DST: variants seen among roughly 807,000 people sequenced by gnomAD.
The protein encoded by DST is dystonin.
In DST, 253 loss-of-function variants were observed where a neutral mutation model predicts 875.2. That is an observed-to-expected ratio of 0.29 (90% confidence interval 0.26 to 0.32). The LOEUF (loss-of-function observed/expected upper bound fraction) is 0.32. Ranked by LOEUF, DST falls within the 10% of genes least tolerant of loss-of-function variation. DST has a pLI of 1.00. For synonymous variants in DST, 3,124 were observed against 3,197.1 expected, an observed-to-expected ratio of 0.98 and a Z score of 0.77; for missense variants, 8,287 against 9,111.6, an observed-to-expected ratio of 0.91 and a Z score of 3.68.
chr6:56,555,947 GT>G, intron 59 of DST, 107 bp from the exon 60 acceptor site: 1 of 1,193,282 alleles, frequency 8.4e-7, no homozygotes, highest in Non-Finnish European at 1.1e-6. Context: ...TCCAGTTTTT[GT>G]TTTTTAGTTA....
intron 4 of DST, among the ~76,000 whole-genome samples, chr6:56,827,440 G>A (rs1262692119): frequency 1.3e-5 from 2 of 149,832 alleles, no homozygotes; most frequent in East Asian, 3.9e-4. Flanking sequence ...CCAGAAGGCG[G>A]AGGTTGCAGT....
In DST at chr6:56,900,438, C is replaced by T. The variant is rs1793547600; in HGVS notation, c.400G>A (p.Ala134Thr). The T allele has an allele frequency of 8.8e-6, 12 of 1,367,320 alleles. No individual in the cohort carries two copies. Among genetic ancestry groups the T allele is most frequent in the Non-Finnish European group, 1.2e-5 (12 of 1,021,788 alleles). The allele number at this position is 1,367,320 out of a possible 1,614,324, so 84.7% of individuals were successfully genotyped here. A position where few individuals can be genotyped will look rare whatever the true frequency, so the allele number is the denominator to read the frequency against. ...CTACTTACAGGCCTCCTGATTGAAGCACCTTGAACAGAGTGATAAAATTCT... is the reference window on the plus strand; with the variant it reads ...CTACTTACAGGCCTCCTGATTGAAGTACCTTGAACAGAGTGATAAAATTCT... The part of the protein sequence containing the change: ...QPEFYHSVQG[A>T]SIRRPSSGNA... The change falls in exon 3 of 104, where the codon GCT becomes ACT. Residue 134 changes from alanine (A) to threonine (T), a missense_variant. This residue lies in a region of DST where 1,160 missense variants were observed against 1,424.3 expected (regional missense o/e 0.81). Transcript: ENST00000680361.
chr6:56,480,271 T>A (rs543876906), intron 90 of DST, among the ~76,000 whole-genome samples: 1 of 152,146 alleles, frequency 6.6e-6, no homozygotes, highest in South Asian at 2.1e-4. Context: ...ATGAAAAAAA[T>A]TTAAAACTCC....
intron 4 of DST, among the ~76,000 whole-genome samples, chr6:56,824,809 G>A (rs1562034587): frequency 6.6e-6 from 1 of 151,744 alleles, no homozygotes; most frequent in African/African-American, 2.4e-5. Flanking sequence ...CCTCCGTCCG[G>A]CAGCCGCCCC....
At chr6:56,678,763 A>T (rs2099142712) in intron 9 of DST, among the ~76,000 whole-genome samples, 1 of 152,202 alleles carries the variant, frequency 6.6e-6, no homozygotes, top group Non-Finnish European at 1.5e-5. Flanking sequence ...ATTAACCAAT[A>T]AAGATAACTT....
At chr6:56,684,416 AT>A (rs1337131492) in intron 9 of DST, among the ~76,000 whole-genome samples, 9 of 152,256 alleles carry the variant, frequency 5.9e-5, no homozygotes, top group Non-Finnish European at 4.4e-5. Flanking sequence ...AAACAGAGAT[AT>A]TTAACTTAAA....
At chr6:56,794,860 C>T (rs1018145561) in intron 4 of DST, among the ~76,000 whole-genome samples, 4 of 152,152 alleles carry the variant, frequency 2.6e-5, no homozygotes, top group Non-Finnish European at 4.4e-5. Flanking sequence ...AGGAATATGA[C>T]CAGCCCAAGA....
intron 83 of DST, among the ~76,000 whole-genome samples, chr6:56,493,709 GAATT>G (rs536557917): frequency 7.6e-4 from 116 of 151,942 alleles, no homozygotes; most frequent in Middle Eastern, 3.4e-3. Context: ...GATTAAAATA[GAATT>G]AATTATTTAA....
At chr6:56,519,174 T>C (rs188493043) in intron 69 of DST, among the ~76,000 whole-genome samples, 5 of 152,220 alleles carry the variant, frequency 3.3e-5, no homozygotes, top group African/African-American at 1.2e-4. Context: ...CTGGAAAAAC[T>C]AGCAACCACA....
intron 10 of DST, among the ~76,000 whole-genome samples, chr6:56,658,970 G>C (rs111815900): frequency 0.011 from 1,710 of 152,314 alleles, 31 homozygotes; most frequent in African/African-American, 0.035. Context: ...CTGGATGTGT[G>C]GCAAAGGGCC....
chr6:56,781,457 C>T (rs970778228), intron 4 of DST, among the ~76,000 whole-genome samples: 9 of 152,220 alleles, frequency 5.9e-5, no homozygotes, highest in Middle Eastern at 3.4e-3. Context: ...AAGTTGGATT[C>T]CTAAGTATTT....
chr6:56,459,914 T>C (rs2094238956), intron 103 of DST, among the ~76,000 whole-genome samples: 1 of 152,192 alleles, frequency 6.6e-6, no homozygotes, highest in African/African-American at 2.4e-5. Flanking sequence ...TTTTCCTCTG[T>C]TGTACAGTAA....
At position 56,635,370 on chromosome 6, in the gene DST, C is replaced by T. The variant is rs963603868; in HGVS notation, c.3186+219G>A. 3.3e-5 allele frequency among the ~76,000 whole-genome samples: 5 copies of T among 151,796 alleles called. No homozygotes were observed. The East Asian group carries it at 7.7e-4, about 23-fold the overall frequency. On this transcript the variant is annotated intron_variant, in intron 24 of 103. Coordinates refer to ENST00000680361, the MANE Select transcript of DST (RefSeq NM_001374736.1). ...ACACACACGTGCACACACACACACA[C>T]GACACTAAAAACCATCTTAAAATAT... is the stretch of plus-strand genomic sequence containing the variant.
At chr6:56,589,700 C>T (rs569113712) in intron 49 of DST, among the ~76,000 whole-genome samples, 1 of 152,298 alleles carries the variant, frequency 6.6e-6, no homozygotes, top group Non-Finnish European at 1.5e-5. Flanking sequence ...TCTTATGGGG[C>T]TAAAATCTTG....
chr6:56,484,863 T>C (rs2095510193), intron 88 of DST: 1 of 155,838 alleles, frequency 6.4e-6, no homozygotes. Flanking sequence ...ACAGTTTTGG[T>C]TCGGTATTTT....
At chr6:56,884,798 G>C (rs745369163) in intron 3 of DST, among the ~76,000 whole-genome samples, 1 of 151,840 alleles carries the variant, frequency 6.6e-6, no homozygotes, top group Non-Finnish European at 1.5e-5. Flanking sequence ...GCGCGATCTC[G>C]GCTCAATGCA....
At position 56,604,064 on chromosome 6, in the gene DST, T is replaced by A. The variant is rs1397555404; in HGVS notation, c.10564A>T (p.Met3522Leu). 7 of 1,584,068 alleles carry A rather than the reference T, an allele frequency of 4.4e-6. No homozygotes were observed. The highest frequency in any genetic ancestry group is 6.0e-6 in the Non-Finnish European group (7 of 1,162,834). The change falls in exon 40 of 104, where the codon ATG (methionine) becomes TTG (leucine). Residue 3522 changes from methionine (M) to leucine (L), a missense_variant. Transcript: ENST00000680361. ...CCAAGAATATGTGGCTTTTCTTCCA[T>A]CATCTCAGATGTAGAACATGCTTTT... is the stretch of plus-strand genomic sequence containing the variant. ...NQKACSTSEMMEEKPHILGDI... is the reference protein window; with the variant it reads ...NQKACSTSEMLEEKPHILGDI...
intron 102 of DST, among the ~76,000 whole-genome samples, chr6:56,462,303 C>T (rs191468857): frequency 2.6e-5 from 4 of 152,224 alleles, no homozygotes; most frequent in East Asian, 1.9e-4. Context: ...ATGTAAATGA[C>T]CTGATACATG....
chr6:56,465,303 GT>G (rs2094526448), intron 99 of DST, among the ~76,000 whole-genome samples: 1 of 152,030 alleles, frequency 6.6e-6, no homozygotes, highest in African/African-American at 2.4e-5. Context: ...AACATTTGTT[GT>G]TTGCTAAAAA....
Sources: allele counts gnomAD v4.1 joint callset (sites outside exome capture counted in the v4.1 genomes callset), GRCh38; gene constraint gnomAD v4.1.1; regional missense constraint gnomAD v4.1.1; transcripts MANE v1.5; gene names NCBI Gene and HGNC (gene_info 2026-07-23, HGNC 2026-07-21).